The following PCTP variants were observed in gnomAD, a reference collection of about 807,000 sequenced individuals.
PCTP encodes the protein phosphatidylcholine transfer protein.
In PCTP, 27 loss-of-function variants were observed where a neutral mutation model predicts 31.0. The observed-to-expected ratio is 0.87, with a 90% CI of 0.64 to 1.20. The LOEUF is 1.20. PCTP is among the 50% of genes most tolerant of loss of function. The pLI is 0.00. For synonymous variants in PCTP, 108 were observed against 101.2 expected, an observed-to-expected ratio of 1.07 and a Z score of -0.40; for missense variants, 287 against 268.2, an observed-to-expected ratio of 1.07 and a Z score of -0.49.
At chr17:55,830,599 A>G (rs1231064564) in intron 5 of PCTP, among the ~76,000 whole-genome samples, 1 of 152,212 alleles carries the variant, frequency 6.6e-6, no homozygotes, top group East Asian at 1.9e-4. Flanking sequence ...TTTCCTTTCC[A>G]CCACTGGAAC....
At chr17:55,831,160 A>C (rs1021096161) in intron 5 of PCTP, among the ~76,000 whole-genome samples, 5 of 151,338 alleles carry the variant, frequency 3.3e-5, no homozygotes, top group Admixed American at 2.0e-4. Context: ...CAAAAGCAGC[A>C]AGGGTGAAAT....
intron 3 of PCTP, among the ~76,000 whole-genome samples, chr17:55,819,478 C>T (rs931952630): frequency 6.6e-6 from 1 of 152,164 alleles, no homozygotes; most frequent in African/African-American, 2.4e-5. Flanking sequence ...TGCAGAGGCT[C>T]ATGCCTGTAA....
chr17:55,783,833 G>A (rs796147457), intron 2 of PCTP, among the ~76,000 whole-genome samples: 1 of 152,158 alleles, frequency 6.6e-6, no homozygotes, highest in African/African-American at 2.4e-5. Flanking sequence ...TCCATTACAA[G>A]CTAGGAAATG....
chr17:55,847,256 ACT>A (rs367974327), downstream of PCTP, among the ~76,000 whole-genome samples: 6 of 151,884 alleles, frequency 4.0e-5, no homozygotes, highest in African/African-American at 1.4e-4. Flanking sequence ...TAGTTTTGAA[ACT>A]CTCAACATTT....
At chr17:55,794,090 A>G (rs1202994201) in intron 3 of PCTP, among the ~76,000 whole-genome samples, 1 of 152,112 alleles carries the variant, frequency 6.6e-6, no homozygotes, top group Non-Finnish European at 1.5e-5. Flanking sequence ...GTTTTAAAAA[A>G]TATTTTCAAT....
intron 1 of PCTP, among the ~76,000 whole-genome samples, chr17:55,757,816 A>G (rs1910126005): frequency 6.6e-6 from 1 of 152,186 alleles, no homozygotes; most frequent in African/African-American, 2.4e-5. Flanking sequence ...AGCTAAAGTC[A>G]GAGGCAGGAG....
chr17:55,839,128 A>G (rs2145090291), intron 5 of PCTP, among the ~76,000 whole-genome samples: 1 of 152,360 alleles, frequency 6.6e-6, no homozygotes, highest in African/African-American at 2.4e-5. Flanking sequence ...ATGTCATTTT[A>G]ATCCTCTAGT....
intron 3 of PCTP, among the ~76,000 whole-genome samples, chr17:55,819,979 A>C (rs1913061633): frequency 6.6e-6 from 1 of 152,218 alleles, no homozygotes; most frequent in Non-Finnish European, 1.5e-5. Flanking sequence ...ATGCAAAAGA[A>C]TGAAATTAGA....
At chr17:55,779,550 T>C (rs979378926), downstream of PCTP, among the ~76,000 whole-genome samples, 1 of 152,130 alleles carries the variant, frequency 6.6e-6, no homozygotes. Flanking sequence ...GCTGGAGAAG[T>C]AGACAAGCCA....
intron 3 of PCTP, among the ~76,000 whole-genome samples, chr17:55,808,847 C>A (rs1388307477): frequency 1.3e-5 from 2 of 152,172 alleles, no homozygotes; most frequent in African/African-American, 4.8e-5. Context: ...AATTTCCTTC[C>A]CCCTCAACCC....
intron 3 of PCTP, among the ~76,000 whole-genome samples, chr17:55,798,108 T>C (rs1912242736): frequency 6.6e-6 from 1 of 152,006 alleles, no homozygotes; most frequent in South Asian, 2.1e-4. Flanking sequence ...TATATGAGCC[T>C]AACAGATTAA....
At chr17:55,757,676 CT>C (rs1175643952) in intron 1 of PCTP, among the ~76,000 whole-genome samples, 1 of 151,994 alleles carries the variant, frequency 6.6e-6, no homozygotes, top group East Asian at 1.9e-4. Context: ...AGATACTCTT[CT>C]TTTTTATGCA....
chr17:55,823,357 A>G (rs1265627735), downstream of PCTP, among the ~76,000 whole-genome samples: 5 of 152,356 alleles, frequency 3.3e-5, no homozygotes, highest in South Asian at 6.2e-4. Context: ...TCTACACCCA[A>G]AGTTAAAATT....
rs1463414275 is a variant in PCTP at position 55,757,715 on chromosome 17, T to C, written c.141+6471T>C. On this transcript the variant is annotated intron_variant, in intron 1 of 5. Transcript: ENST00000268896. The stretch of plus-strand genomic sequence containing the variant: ...ATATTTCTAACCAGCTGCTGAATGA[T>C]GCTGAGGCTACTGGTCCGGGAATCA... Among the ~76,000 whole-genome samples the C allele has an allele frequency of 4.6e-5, 7 of 152,312 alleles. No individual in the cohort carries two copies. In the East Asian group the frequency reaches 1.3e-3, roughly 29 times the overall value.
Position 55,751,110 on chromosome 17 carries a change from C to G in PCTP, c.7C>G (p.Leu3Val). ...GAGCCCGGACTGCGGAAGGATGGAGCTGGCCGCCGGAAGCTTCTCGGAGGA... is the reference window on the plus strand; with the variant it reads ...GAGCCCGGACTGCGGAAGGATGGAGGTGGCCGCCGGAAGCTTCTCGGAGGA... ME[L>V]AAGSFSEEQF... is the part of the protein sequence containing the mutation. Residue 3 changes from leucine to valine, a missense_variant, in exon 1 of 6, where the codon CTG becomes GTG. Coordinates refer to ENST00000268896, the MANE Select transcript of PCTP (RefSeq NM_021213.4). 6.5e-7 allele frequency: 1 copy of G among 1,539,878 alleles called. No individual in the cohort carries two copies. Among genetic ancestry groups the G allele is most frequent in the Non-Finnish European group, 8.7e-7 (1 of 1,143,052 alleles).
intron 3 of PCTP, among the ~76,000 whole-genome samples, chr17:55,820,928 A>C (rs1913094169): frequency 6.6e-6 from 1 of 152,242 alleles, no homozygotes; most frequent in Admixed American, 6.5e-5. Flanking sequence ...CACTGCTAAA[A>C]GGAATGTTAG....
downstream of PCTP, among the ~76,000 whole-genome samples, chr17:55,845,158 A>G (rs142513015): frequency 9.5e-4 from 144 of 150,940 alleles, 1 homozygote; most frequent in African/African-American, 3.4e-3. Context: ...TGCACTAAAC[A>G]TTTAATAAAT....
chr17:55,769,784 C>T (rs2960066), intron 2 of PCTP: 97,640 of 152,220 alleles, frequency 0.64, 36,358 homozygotes, highest in East Asian at 0.87. Context: ...TGCTCATTTT[C>T]CCAGCCCTGA....
At chr17:55,787,259 T>A (rs377619365) in intron 2 of PCTP, among the ~76,000 whole-genome samples, 10 of 151,664 alleles carry the variant, frequency 6.6e-5, no homozygotes, top group African/African-American at 2.2e-4. Context: ...AACTCTTATG[T>A]TCCAATCCTT....
Sources: gnomAD v4.1 joint callset for allele counts (sites outside exome capture counted in the v4.1 genomes callset) on GRCh38, gnomAD v4.1.1 for gene constraint, MANE v1.5 for transcripts, NCBI Gene and HGNC (gene_info 2026-07-23, HGNC 2026-07-21) for gene names.